The following ALLC variants were observed in gnomAD, a reference collection of about 807,000 sequenced individuals.
ALLC encodes the protein allantoicase, also known as probable inactive allantoicase.
In ALLC, 40 loss-of-function variants were observed where a neutral mutation model predicts 45.0. The ratio of observed to expected loss-of-function variants is 0.89; its 90% CI spans 0.69 to 1.16. The LOEUF is 1.16. Among genes scored for constraint, ALLC ranks in the 50% most tolerant of loss-of-function variants. The probability of loss-of-function intolerance (pLI) is 0.00; values close to 1 mark genes in which losing one functional copy is unlikely to be tolerated. For missense variants in ALLC, 488 were observed against 493.1 expected, an observed-to-expected ratio of 0.99 and a Z score of 0.10; for synonymous variants, 176 against 178.1, an observed-to-expected ratio of 0.99 and a Z score of 0.09.
rs978707473 is a variant in ALLC, at chr2:3,680,171, G to A, written c.298+177G>A. Among the ~76,000 whole-genome samples, 1 of 152,150 alleles carries A rather than the reference G, an allele frequency of 6.6e-6. No individual in the cohort carries two copies. Among genetic ancestry groups the A allele is most frequent in the Non-Finnish European group, 1.5e-5 (1 of 68,038 alleles). On this transcript the variant is annotated intron_variant, in intron 5 of 11. Transcript: ENST00000252505. This position sits in a 1 kb window ranked among gnomAD's most constrained non-coding sequence, Gnocchi z 4.0. Reference sequence around the variant, plus strand: ...CAGGACTCCTAGTAGAGCGCTCTGTGGTTTTTGATTTGTGGCTTAATAGTG... The same window carrying A: ...CAGGACTCCTAGTAGAGCGCTCTGTAGTTTTTGATTTGTGGCTTAATAGTG...
chr2:3,697,621 GTCTATCTATCTATCTATCTATCTA>G, intron 10 of ALLC, among the ~76,000 whole-genome samples, 165 bp downstream of exon 10: 1 of 125,442 alleles, frequency 8.0e-6, no homozygotes, highest in South Asian at 2.7e-4. Flanking sequence ...CTGTCTGTCT[GTCTATCTATCTATCTATCTATCTA>G]TCTATCTATC....
At position 3,696,458 on chromosome 2, in the gene ALLC, C is replaced by A. The variant is rs146679930; in HGVS notation, c.741+110C>A. ...TTTTAGAAACCTCATATGCATTGTTCTAAATGCTAATTACTATGATTTATA... is the reference window on the plus strand; with the variant it reads ...TTTTAGAAACCTCATATGCATTGTTATAAATGCTAATTACTATGATTTATA... On this transcript the variant is annotated intron_variant, in intron 9 of 11. Coordinates refer to ENST00000252505, the MANE Select transcript of ALLC (RefSeq NM_018436.4). 2.8e-4 allele frequency: 217 copies of A among 782,178 alleles called. No individual in the cohort carries two copies. In the African/African-American group the frequency reaches 3.0e-3, roughly 11 times the overall value. The allele number at this position is 782,178 out of a possible 1,614,324, so 48.5% of individuals were successfully genotyped here.
chr2:3,657,612 G>A (rs930125972), upstream of ALLC, among the ~76,000 whole-genome samples: 22 of 152,222 alleles, frequency 1.4e-4, no homozygotes, highest in African/African-American at 4.6e-4. Context: ...TGTCGAAGCC[G>A]GGCTCAGCTG....
intron 1 of ALLC, among the ~76,000 whole-genome samples, chr2:3,666,151 C>T (rs1666719513): frequency 6.6e-6 from 1 of 152,162 alleles, no homozygotes. Context: ...GGGTCATGCC[C>T]CACGTTACCA....
chr2:3,659,496 A>G (rs13390379), intron 1 of ALLC, among the ~76,000 whole-genome samples: 4,557 of 152,270 alleles, frequency 0.03, 242 homozygotes, highest in African/African-American at 0.1. Flanking sequence ...CAGAAAATGT[A>G]TTTAAGAGCT....
intron 10 of ALLC, 104 bp from the exon 11 acceptor site, chr2:3,701,408 T>G: frequency 1.5e-6 from 2 of 1,367,338 alleles, no homozygotes; most frequent in Non-Finnish European, 1.9e-6. Flanking sequence ...AGCAGGGACT[T>G]GTTTTTTGCT....
At chr2:3,685,049 A>G (rs1667291446) in intron 7 of ALLC, among the ~76,000 whole-genome samples, 1 of 152,166 alleles carries the variant, frequency 6.6e-6, no homozygotes, top group Non-Finnish European at 1.5e-5. Context: ...TCTTCAATAT[A>G]TTGATTTACT....
At chr2:3,693,140 A>G (rs1041365459) in intron 7 of ALLC, among the ~76,000 whole-genome samples, 8 of 152,154 alleles carry the variant, frequency 5.3e-5, no homozygotes, top group African/African-American at 1.9e-4. Context: ...TCTTGAATAG[A>G]TGTTGCTGAA....
At position 3,701,544 on chromosome 2, in the gene ALLC, T is replaced by G. The variant is rs1179311183; in HGVS notation, c.883T>G (p.Cys295Gly). 6.3e-7 allele frequency: 1 copy of G among 1,588,148 alleles called. No homozygotes were observed. The highest frequency in any genetic ancestry group is 2.3e-5 in the East Asian group (1 of 44,274). Residue 295 changes from cysteine to glycine, a missense_variant, in exon 11 of 12, where the codon TGC becomes GGC. Cys to Gly is a radical substitution (Grantham distance 159). Transcript: ENST00000252505. ...NAPDSCKVDG[C>G]ILTTQEEEAV... ...TCCTGACAGCTGTAAAGTGGATGGG[T>G]GCATCCTGACAACTCAGGAAGAAGA... is the stretch of plus-strand genomic sequence containing the variant.
In ALLC at chr2:3,672,163, G is replaced by T. The variant is rs182638989; in HGVS notation, c.33+973G>T. On this transcript the variant is annotated intron_variant, in intron 2 of 11. Coordinates refer to ENST00000252505, the MANE Select transcript of ALLC (RefSeq NM_018436.4). ...TCTGGTTAGATGGGAGGTCCTCTGGGTCTGGTTAGATGGGAGGTCCCCAGG... is the reference window on the plus strand; with the variant it reads ...TCTGGTTAGATGGGAGGTCCTCTGGTTCTGGTTAGATGGGAGGTCCCCAGG... Among the ~76,000 whole-genome samples the T allele has an allele frequency of 5.9e-3, 544 of 92,672 alleles. 82 individuals are homozygous for T. Among genetic ancestry groups the T allele is most frequent in the African/African-American group, 0.023 (503 of 21,478 alleles). The allele number at this position is 92,672 out of a possible 152,430, so 60.8% of individuals were successfully genotyped here. A position where few individuals can be genotyped will look rare whatever the true frequency, so the allele number is the denominator to read the frequency against.
At chr2:3,671,587 C>T (rs1241207811) in intron 2 of ALLC, among the ~76,000 whole-genome samples, 1 of 149,994 alleles carries the variant, frequency 6.7e-6, no homozygotes, top group Non-Finnish European at 1.5e-5. Flanking sequence ...GGGAGGTCCT[C>T]TGGCTCTAGT....
upstream of ALLC, among the ~76,000 whole-genome samples, chr2:3,656,367 C>T (rs1200001468): frequency 6.6e-6 from 1 of 152,228 alleles, no homozygotes; most frequent in Non-Finnish European, 1.5e-5. Flanking sequence ...AGCTCTTGTT[C>T]TCCTCCCGCC....
At chr2:3,690,639 T>G (rs1035521449) in intron 7 of ALLC, among the ~76,000 whole-genome samples, 1 of 151,036 alleles carries the variant, frequency 6.6e-6, no homozygotes, top group Non-Finnish European at 1.5e-5. Context: ...TCATCTTAGA[T>G]CACAAAGAAA....
At chr2:3,647,415 C>G in the ALLC span, among the ~76,000 whole-genome samples, 82 of 152,216 alleles carry the variant, frequency 5.4e-4, no homozygotes, top group Middle Eastern at 3.4e-3. Flanking sequence ...GGGGCAATTC[C>G]CATGCTGCCC....
chr2:3,680,062 C>A lies in ALLC; in HGVS notation c.298+68C>A. On this transcript the variant is annotated intron_variant, in intron 5 of 11. Coordinates refer to ENST00000252505, the MANE Select transcript of ALLC (RefSeq NM_018436.4). This position sits in a 1 kb window ranked among gnomAD's most constrained non-coding sequence, Gnocchi z 4.0. ...ACATGGCTCCTCTGGCCAGCCACAGCCCCACAACTGCTCACTTTCCCTACC... is the reference window on the plus strand; with the variant it reads ...ACATGGCTCCTCTGGCCAGCCACAGACCCACAACTGCTCACTTTCCCTACC... 1.9e-6 allele frequency: 3 copies of A among 1,595,948 alleles called. No individual in the cohort carries two copies. The highest frequency in any genetic ancestry group is 1.7e-5 in the Admixed American group (1 of 59,656).
At chr2:3,676,478 C>A (rs55829641) in intron 3 of ALLC, among the ~76,000 whole-genome samples, 9,101 of 152,300 alleles carry the variant, frequency 0.06, 324 homozygotes, top group East Asian at 0.12. Context: ...AGCTCCTGGG[C>A]TCAAGCAGTC....
At chr2:3,667,572 CT>C (rs902975007) in intron 1 of ALLC, among the ~76,000 whole-genome samples, 3 of 152,214 alleles carry the variant, frequency 2.0e-5, no homozygotes, top group Non-Finnish European at 1.5e-5. Context: ...TTCCTTTTCA[CT>C]TGTAGCATGT....
At chr2:3,685,877 TGTTATTAATCCCTTCTTAGATGGATAG>T (rs1254266977) in intron 7 of ALLC, among the ~76,000 whole-genome samples, 1 of 151,088 alleles carries the variant, frequency 6.6e-6, no homozygotes, top group African/African-American at 2.4e-5. Flanking sequence ...TATATATTCT[TGTTATTAATCCCTTCTTAGATGGATAG>T]TTTGCAAATA....
chr2:3,678,941 T>A (rs1167963570), intron 4 of ALLC, among the ~76,000 whole-genome samples: 2 of 152,192 alleles, frequency 1.3e-5, no homozygotes, highest in African/African-American at 4.8e-5. Flanking sequence ...GGAAACAGAT[T>A]CCTGGACTCA....
Sources: gnomAD v4.1 joint callset for allele counts (sites outside exome capture counted in the v4.1 genomes callset) on GRCh38, gnomAD v4.1.1 for gene constraint, Gnocchi (gnomAD v3.1) non-coding constraint, MANE v1.5 for transcripts, NCBI Gene and HGNC (gene_info 2026-07-23, HGNC 2026-07-21) for gene names.